The following NUP160 variants were observed in gnomAD, a reference collection of about 807,000 sequenced individuals.
NUP160 encodes the protein nuclear pore complex protein Nup160.
In NUP160, 94 loss-of-function variants were observed where a neutral mutation model predicts 196.9. The ratio of observed to expected loss-of-function variants is 0.48; its 90% confidence interval spans 0.40 to 0.57. The LOEUF (loss-of-function observed/expected upper bound fraction) is 0.57, where lower values mean the gene tolerates loss of function less well. Ranked by LOEUF, NUP160 falls within the 20% of genes least tolerant of loss-of-function variation. The pLI is 0.00. For synonymous variants in NUP160, 605 were observed against 619.7 expected, an observed-to-expected ratio of 0.98 and a Z score of 0.35; for missense variants, 1,638 against 1,748.3, an observed-to-expected ratio of 0.94 and a Z score of 1.13.
chr11:47,792,936 C>T, exon 28 of NUP160: 1 of 1,612,392 alleles, frequency 6.2e-7, no homozygotes, highest in Non-Finnish European at 8.5e-7. Flanking sequence ...ACTCAAACAT[C>T]ACTGTGCCAG....
intron 23 of NUP160, among the ~76,000 whole-genome samples, chr11:47,799,463 C>T (rs997479409): frequency 6.6e-5 from 10 of 152,084 alleles, no homozygotes; most frequent in Admixed American, 5.2e-4. Flanking sequence ...ATCTCATATA[C>T]GTGCAATTCT....
intron 2 of NUP160, among the ~76,000 whole-genome samples, chr11:47,844,472 C>T (rs1357661289): frequency 2.6e-5 from 4 of 152,178 alleles, no homozygotes; most frequent in Non-Finnish European, 5.9e-5. Flanking sequence ...AGACTCCTGG[C>T]TCCTTTCCAC....
intron 21 of NUP160, 146 bp downstream of exon 21, chr11:47,804,403 A>G: frequency 1.7e-6 from 1 of 593,380 alleles, no homozygotes; most frequent in Non-Finnish European, 2.9e-6. Flanking sequence ...AGAAATAGAG[A>G]ACAATCTCTT....
exon 36 of NUP160, chr11:47,779,062 T>TA: frequency 7.0e-7 from 1 of 1,435,030 alleles, no homozygotes; most frequent in African/African-American, 1.4e-5. Flanking sequence ...TCTTAAGTCC[T>TA]AAGAGGCACC....
chr11:47,838,721 A>G (rs898716208), intron 4 of NUP160, among the ~76,000 whole-genome samples: 1 of 149,834 alleles, frequency 6.7e-6, no homozygotes, highest in Non-Finnish European at 1.5e-5. Flanking sequence ...AGAAAGAAAG[A>G]AAGGCCAGGT....
chr11:47,804,596 G>A, exon 21 of NUP160: 6 of 1,531,606 alleles, frequency 3.9e-6, no homozygotes, highest in Non-Finnish European at 5.2e-6. Context: ...TCTAGAAAGA[G>A]ACAACCAGGA....
intron 27 of NUP160, 110 bp downstream of exon 27, chr11:47,797,669 G>C: frequency 1.4e-6 from 1 of 724,544 alleles, no homozygotes; most frequent in East Asian, 2.6e-5. Flanking sequence ...AGCTAATCTT[G>C]TACTTAAACA....
At chr11:47,794,912 C>T (rs1283091727) in intron 27 of NUP160, among the ~76,000 whole-genome samples, 2 of 151,562 alleles carry the variant, frequency 1.3e-5, no homozygotes, top group Admixed American at 6.6e-5. Context: ...GACTCTGTCT[C>T]GAAAACAAAC....
exon 8 of NUP160, chr11:47,822,139 G>A: frequency 6.2e-7 from 1 of 1,609,694 alleles, no homozygotes; most frequent in Admixed American, 1.7e-5. Context: ...ATTACTCTCA[G>A]TGCTCACCAA....
At chr11:47,786,498 A>T (rs752185040) in exon 32 of NUP160, 4 of 1,614,084 alleles carry the variant, frequency 2.5e-6, no homozygotes, top group Non-Finnish European at 3.4e-6. Context: ...ATTGGCTGCT[A>T]GCCAGGCCCA....
intron 15 of NUP160, 81 bp downstream of exon 15, chr11:47,812,801 A>C: frequency 8.7e-7 from 1 of 1,145,568 alleles, no homozygotes; most frequent in Non-Finnish European, 1.3e-6. Flanking sequence ...TACGCTCTGG[A>C]ACATACATTA....
chr11:47,829,063 T>C (rs1852027474), intron 7 of NUP160, among the ~76,000 whole-genome samples: 1 of 152,100 alleles, frequency 6.6e-6, no homozygotes, highest in African/African-American at 2.4e-5. Context: ...TATGACACTA[T>C]GAACAAAAGC....
At chr11:47,805,338 T>C (rs2097676852) in intron 20 of NUP160, among the ~76,000 whole-genome samples, 1 of 151,760 alleles carries the variant, frequency 6.6e-6, no homozygotes, top group Non-Finnish European at 1.5e-5. Context: ...ACCATGTTGG[T>C]CAGGCTGGTC....
chr11:47,795,589 GATT>G (rs1304560045), intron 27 of NUP160, among the ~76,000 whole-genome samples: 3 of 152,148 alleles, frequency 2.0e-5, no homozygotes, highest in African/African-American at 7.2e-5. Flanking sequence ...ATTCCACAGT[GATT>G]ATATTGTAAA....
At chr11:47,796,642 T>C in intron 27 of NUP160, among the ~76,000 whole-genome samples, 1 of 152,224 alleles carries the variant, frequency 6.6e-6, no homozygotes, top group South Asian at 2.1e-4. Context: ...TTAACTTTTC[T>C]GTAGACTTGA....
Position 47,819,442 on chromosome 11 carries a change from A to G in NUP160, c.1294T>C (p.Trp432Arg). ...AGAGGCTGCATAAAAACTGGATTCC[A>G]CTGACCTGCAACATTACTAGAGACA... The change falls in exon 10 of 36, where the codon TGG becomes CGG. Residue 432 changes from tryptophan (W) to arginine (R), a missense_variant. Coordinates refer to ENST00000378460, the Ensembl canonical transcript of NUP160. 4 of 1,613,202 alleles carry G rather than the reference A, an allele frequency of 2.5e-6. No homozygotes were observed. The South Asian group carries it at 4.4e-5, about 18-fold the overall frequency.
rs2097665757 is a variant in NUP160 at position 47,788,181 on chromosome 11, C to T, written c.3746+1G>A. The stretch of plus-strand genomic sequence containing the variant: ...CTATAAAAAAATAATTTTATACATA[C>T]TTGAAGGCAAGCCCTTCAAAGACTG... On this transcript the variant is annotated splice_donor_variant, in intron 31 of 35. Coordinates refer to ENST00000378460, the Ensembl canonical transcript of NUP160. LOFTEE classifies it high-confidence loss of function. 6.2e-7 allele frequency: 1 copy of T among 1,610,060 alleles called. No homozygotes were observed. The highest frequency in any genetic ancestry group is 8.5e-7 in the Non-Finnish European group (1 of 1,177,412).
chr11:47,795,743 T>C (rs998624298), intron 27 of NUP160, among the ~76,000 whole-genome samples: 16 of 152,102 alleles, frequency 1.1e-4, no homozygotes, highest in African/African-American at 3.9e-4. Flanking sequence ...AAAATATCAA[T>C]GTCATCAAAG....
At chr11:47,807,883 T>C (rs928762344) in intron 18 of NUP160, among the ~76,000 whole-genome samples, 4 of 152,228 alleles carry the variant, frequency 2.6e-5, no homozygotes, top group African/African-American at 7.2e-5. Flanking sequence ...TATGATTACA[T>C]GTGACTTATT....
Sources: allele counts gnomAD v4.1 joint callset (sites outside exome capture counted in the v4.1 genomes callset), GRCh38; gene constraint gnomAD v4.1.1; transcripts MANE v1.5; gene names NCBI Gene and HGNC (gene_info 2026-07-23, HGNC 2026-07-21).